The following SCHIP1 variants were observed in gnomAD, a reference collection of about 807,000 sequenced individuals.
SCHIP1 encodes schwannomin interacting protein 1.
In SCHIP1, 8 loss-of-function variants were observed where a neutral mutation model predicts 29.7. The ratio of observed to expected loss-of-function variants is 0.27; its 90% CI spans 0.16 to 0.49. The LOEUF (loss-of-function observed/expected upper bound fraction) is 0.49. SCHIP1 is among the 20% of genes least tolerant of loss of function. SCHIP1 has a pLI of 0.99. For synonymous variants in SCHIP1, 76 were observed against 94.9 expected (o/e 0.80, Z 1.16); for missense variants, 193 against 294.6 (o/e 0.66, Z 2.52).
chr3:159,419,981 T>C, the SCHIP1 span, among the ~76,000 whole-genome samples: 1 of 152,228 alleles, frequency 6.6e-6, no homozygotes, highest in Non-Finnish European at 1.5e-5. Context: ...GTCTAAAATT[T>C]CTGCCTATTG....
chr3:159,738,930 A>T, the SCHIP1 span, among the ~76,000 whole-genome samples: 1 of 152,206 alleles, frequency 6.6e-6, no homozygotes, highest in African/African-American at 2.4e-5. Context: ...AGGCAGAGAA[A>T]ATAGGCAATG....
chr3:159,474,218 T>TA, the SCHIP1 span, among the ~76,000 whole-genome samples: 6 of 152,170 alleles, frequency 3.9e-5, no homozygotes, highest in African/African-American at 1.4e-4. Context: ...TTCAAATAGT[T>TA]ATTTGGTTTT....
chr3:159,596,278 T>C, the SCHIP1 span, among the ~76,000 whole-genome samples: 1 of 152,096 alleles, frequency 6.6e-6, no homozygotes, highest in African/African-American at 2.4e-5. Flanking sequence ...AGAATGGTGA[T>C]CATTAAAAAG....
the SCHIP1 span, among the ~76,000 whole-genome samples, chr3:159,820,464 G>A: frequency 1.3e-5 from 2 of 152,006 alleles, no homozygotes; most frequent in Non-Finnish European, 2.9e-5. Flanking sequence ...ATCCTTTAAA[G>A]AAAAATATAT....
chr3:159,354,915 G>T, the SCHIP1 span, among the ~76,000 whole-genome samples: 1 of 152,126 alleles, frequency 6.6e-6, no homozygotes, highest in African/African-American at 2.4e-5. Flanking sequence ...GATTATTTTG[G>T]AAAGATTTCT....
chr3:159,339,431 A>T, the SCHIP1 span, among the ~76,000 whole-genome samples: 3 of 152,148 alleles, frequency 2.0e-5, no homozygotes, highest in African/African-American at 7.2e-5. Context: ...CAAGGTCAGA[A>T]GCATCACCTT....
chr3:159,429,241 T>G, the SCHIP1 span, among the ~76,000 whole-genome samples: 8 of 144,420 alleles, frequency 5.5e-5, 1 homozygote, highest in African/African-American at 2.0e-4. Context: ...AAAAAAAGAA[T>G]ATGTCATGGC....
chr3:159,626,137 G>GATATATAT, the SCHIP1 span, among the ~76,000 whole-genome samples: 7 of 85,942 alleles, frequency 8.1e-5, 1 homozygote, highest in African/African-American at 4.3e-4. Flanking sequence ...TAGATAGATA[G>GATATATAT]ATATATCTAG....
At chr3:159,593,968 C>T in the SCHIP1 span, among the ~76,000 whole-genome samples, 1 of 152,214 alleles carries the variant, frequency 6.6e-6, no homozygotes. Context: ...GCTACTGGCC[C>T]CATCCCTCAC....
chr3:159,839,503 T>A (rs1281618715), upstream of SCHIP1, among the ~76,000 whole-genome samples: 1 of 152,088 alleles, frequency 6.6e-6, no homozygotes. Flanking sequence ...GACCTTTTAG[T>A]TATAAAGTTG....
the SCHIP1 span, among the ~76,000 whole-genome samples, chr3:159,326,616 G>A: frequency 1.3e-5 from 2 of 151,960 alleles, no homozygotes; most frequent in Admixed American, 1.3e-4. Flanking sequence ...ATGATATTAA[G>A]GTTAGATTTA....
chr3:159,637,371 C>CACACACACA, the SCHIP1 span, among the ~76,000 whole-genome samples: 1 of 134,576 alleles, frequency 7.4e-6, no homozygotes, highest in African/African-American at 2.7e-5. Context: ...CCGGCCCCAG[C>CACACACACA]CACACACACA....
At chr3:159,458,356 G>A in the SCHIP1 span, among the ~76,000 whole-genome samples, 1 of 152,274 alleles carries the variant, frequency 6.6e-6, no homozygotes, top group East Asian at 1.9e-4. Context: ...CCTGGAGGAT[G>A]TGTTTAACTA....
chr3:159,313,856 TACTATCAGG>T, the SCHIP1 span, among the ~76,000 whole-genome samples: 2 of 152,328 alleles, frequency 1.3e-5, no homozygotes, highest in Non-Finnish European at 2.9e-5. Flanking sequence ...CTTTGAAGAA[TACTATCAGG>T]TATTTTGTAG....
the SCHIP1 span, among the ~76,000 whole-genome samples, chr3:159,634,358 A>G: frequency 5.9e-5 from 9 of 152,220 alleles, no homozygotes; most frequent in East Asian, 1.7e-3. Context: ...ATGTAAGTGT[A>G]TTACTTTGGT....
chr3:159,687,272 C>T, the SCHIP1 span, among the ~76,000 whole-genome samples: 1,661 of 152,148 alleles, frequency 0.011, 29 homozygotes, highest in African/African-American at 0.037. Flanking sequence ...CCACTCCTCT[C>T]CCCACCAAGA....
chr3:159,658,876 G>A, the SCHIP1 span, among the ~76,000 whole-genome samples: 1 of 152,050 alleles, frequency 6.6e-6, no homozygotes, highest in Admixed American at 6.5e-5. Context: ...TTCCATTTTA[G>A]TTATAGGAGC....
At chr3:159,443,919 G>T in the SCHIP1 span, among the ~76,000 whole-genome samples, 1 of 152,042 alleles carries the variant, frequency 6.6e-6, no homozygotes, top group Admixed American at 6.6e-5. Flanking sequence ...CTATGAATTA[G>T]GTTCACCAGT....
the SCHIP1 span, among the ~76,000 whole-genome samples, chr3:159,522,766 A>G: frequency 6.6e-6 from 1 of 152,132 alleles, no homozygotes; most frequent in Non-Finnish European, 1.5e-5. Context: ...CTGCACGGGA[A>G]GCTGAGGCAG....
Sources: gnomAD v4.1 joint callset for allele counts (sites outside exome capture counted in the v4.1 genomes callset) on GRCh38, gnomAD v4.1.1 for gene constraint, MANE v1.5 for transcripts, NCBI Gene and HGNC (gene_info 2026-07-23, HGNC 2026-07-21) for gene names.